SRRM4: variants seen among roughly 807,000 people sequenced by gnomAD.
SRRM4 encodes serine/arginine repetitive matrix protein 4.
Under a neutral mutation model 68.9 loss-of-function variants are expected in SRRM4, and 33 were observed. The observed-to-expected ratio is 0.48, with a 90% CI of 0.36 to 0.64. The LOEUF (loss-of-function observed/expected upper bound fraction) is 0.64, where lower values mean the gene tolerates loss of function less well. Among genes scored for constraint, SRRM4 ranks in the 30% least tolerant of loss-of-function variants. The pLI, the probability that SRRM4 is intolerant of heterozygous loss-of-function variation, is 0.00. For missense variants in SRRM4, 817 were observed against 827.1 expected (o/e 0.99, Z 0.15); for synonymous variants, 318 against 318.8 (o/e 1.00, Z 0.03).
At chr12:118,989,476 T>G (rs1172092306) in intron 1 of SRRM4, among the ~76,000 whole-genome samples, 1 of 152,076 alleles carries the variant, frequency 6.6e-6, no homozygotes, top group Non-Finnish European at 1.5e-5. Flanking sequence ...TGCACACTCT[T>G]GAAGCTACAG....
In SRRM4 at chr12:119,009,336, C is replaced by T. The variant is rs144740720; in HGVS notation, c.131+27323C>T. ...TCCGGGCCAAGAAAGGGATGGGACG[C>T]ACAAGCCGATGGGGAAGAGATGGTA... is the stretch of plus-strand genomic sequence containing the variant. On this transcript the variant is annotated intron_variant, in intron 1 of 12. Transcript: ENST00000267260. 9.2e-5 allele frequency among the ~76,000 whole-genome samples: 14 copies of T among 152,220 alleles called. No homozygotes were observed. The East Asian group carries it at 1.4e-3, about 15-fold the overall frequency.
chr12:119,009,750 A>G (rs979455361), intron 1 of SRRM4, among the ~76,000 whole-genome samples: 1 of 152,182 alleles, frequency 6.6e-6, no homozygotes, highest in East Asian at 1.9e-4. Context: ...GCACTGTGCT[A>G]GGAGTCAGGG....
chr12:118,998,385 A>C (rs1953363126), intron 1 of SRRM4, among the ~76,000 whole-genome samples: 1 of 151,130 alleles, frequency 6.6e-6, no homozygotes, highest in Non-Finnish European at 1.5e-5. Flanking sequence ...TATATCTGAG[A>C]TCAGTAGAAA....
At chr12:119,035,511 G>A (rs1416466418) in intron 1 of SRRM4, among the ~76,000 whole-genome samples, 2 of 152,170 alleles carry the variant, frequency 1.3e-5, no homozygotes, top group Non-Finnish European at 2.9e-5. Context: ...AATTTTGGGT[G>A]TTGTGAATCC....
intron 1 of SRRM4, among the ~76,000 whole-genome samples, chr12:118,987,816 G>T (rs561891177): frequency 6.6e-6 from 1 of 152,298 alleles, no homozygotes; most frequent in South Asian, 2.1e-4. Flanking sequence ...ATGTCCTCTA[G>T]TGAGGGCCTC....
At chr12:119,136,470 G>GT (rs1555220714) in intron 8 of SRRM4, among the ~76,000 whole-genome samples, 1 of 151,902 alleles carries the variant, frequency 6.6e-6, no homozygotes. Flanking sequence ...ATTGGTTTTT[G>GT]TTTGTTTTGT....
At chr12:119,143,610 A>G (rs1181318592) in intron 8 of SRRM4, among the ~76,000 whole-genome samples, 1 of 152,132 alleles carries the variant, frequency 6.6e-6, no homozygotes, top group African/African-American at 2.4e-5. Flanking sequence ...GGCACATCCA[A>G]CACCATGATG....
intron 1 of SRRM4, among the ~76,000 whole-genome samples, chr12:119,048,082 T>C (rs1347625298): frequency 6.6e-6 from 1 of 152,232 alleles, no homozygotes; most frequent in African/African-American, 2.4e-5. Context: ...TCAAATATTC[T>C]TTTATGTTGC....
intron 2 of SRRM4, among the ~76,000 whole-genome samples, chr12:119,109,386 A>G: frequency 6.6e-6 from 1 of 152,106 alleles, no homozygotes; most frequent in Non-Finnish European, 1.5e-5. Flanking sequence ...AGGTTGGGGA[A>G]GTTCTGGATA....
intron 9 of SRRM4, among the ~76,000 whole-genome samples, chr12:119,150,448 G>A (rs879203514): frequency 6.6e-6 from 1 of 152,174 alleles, no homozygotes; most frequent in Admixed American, 6.5e-5. Flanking sequence ...GTAACAGAGT[G>A]AGACTCTGTC....
At chr12:119,137,203 GA>G (rs886714582) in intron 8 of SRRM4, among the ~76,000 whole-genome samples, 2 of 149,868 alleles carry the variant, frequency 1.3e-5, no homozygotes, top group African/African-American at 2.4e-5. Flanking sequence ...TGGCAGGGAA[GA>G]AAAAAAAATG....
chr12:119,110,980 T>C (rs923269390), intron 2 of SRRM4, among the ~76,000 whole-genome samples: 4 of 152,230 alleles, frequency 2.6e-5, no homozygotes, highest in African/African-American at 9.6e-5. Context: ...ATTTAATTGA[T>C]GCATGTTTAA....
chr12:119,079,716 G>A (rs377184656), intron 1 of SRRM4, among the ~76,000 whole-genome samples: 1 of 152,138 alleles, frequency 6.6e-6, no homozygotes, highest in Non-Finnish European at 1.5e-5. Flanking sequence ...AACCCCCGAA[G>A]CATCCTATGT....
At chr12:119,139,943 T>C (rs1954354191) in intron 8 of SRRM4, among the ~76,000 whole-genome samples, 1 of 152,240 alleles carries the variant, frequency 6.6e-6, no homozygotes, top group South Asian at 2.1e-4. Context: ...GTATATGTGA[T>C]GTTTCCATAC....
chr12:119,080,979 G>T (rs1211055998), intron 1 of SRRM4, among the ~76,000 whole-genome samples: 2 of 152,174 alleles, frequency 1.3e-5, no homozygotes, highest in African/African-American at 4.8e-5. Flanking sequence ...AAGCATAACA[G>T]AACACAACTG....
At chr12:119,149,889 C>T (rs1954428076) in intron 9 of SRRM4, among the ~76,000 whole-genome samples, 1 of 152,142 alleles carries the variant, frequency 6.6e-6, no homozygotes, top group South Asian at 2.1e-4. Context: ...ATAAATATGC[C>T]TTCACTGAGC....
intron 1 of SRRM4, among the ~76,000 whole-genome samples, chr12:119,000,027 A>G (rs981202145): frequency 6.6e-6 from 1 of 152,198 alleles, no homozygotes; most frequent in Non-Finnish European, 1.5e-5. Context: ...TTTGTACTGT[A>G]TTATGACACA....
chr12:119,065,681 G>T (rs1953841347), intron 1 of SRRM4, among the ~76,000 whole-genome samples: 2 of 152,198 alleles, frequency 1.3e-5, no homozygotes, highest in Admixed American at 1.3e-4. Flanking sequence ...CTTGCAGGGA[G>T]GCAGAGGTTG....
intron 1 of SRRM4, among the ~76,000 whole-genome samples, chr12:119,082,004 A>G (rs1273078721): frequency 2.6e-5 from 4 of 152,206 alleles, no homozygotes; most frequent in Non-Finnish European, 5.9e-5. Flanking sequence ...GCCATGACAG[A>G]GCTTACAGTT....
Sources: gnomAD v4.1 joint callset for allele counts (sites outside exome capture counted in the v4.1 genomes callset) on GRCh38, gnomAD v4.1.1 for gene constraint, MANE v1.5 for transcripts, NCBI Gene and HGNC (gene_info 2026-07-23, HGNC 2026-07-21) for gene names.